BCAS3: variants seen among roughly 807,000 people sequenced by gnomAD.
The protein encoded by BCAS3 is BCAS3 microtubule associated cell migration factor, also known as BCAS4/BCAS3 fusion.
In BCAS3, 53 loss-of-function variants were observed where a neutral mutation model predicts 116.1. That is an observed-to-expected ratio of 0.46 (90% CI 0.37 to 0.57). The LOEUF (loss-of-function observed/expected upper bound fraction) is 0.57, where lower values mean the gene tolerates loss of function less well. BCAS3 is among the 20% of genes least tolerant of loss of function. BCAS3 has a pLI of 0.00. For missense variants in BCAS3, 917 were observed against 1,165.4 expected (o/e 0.79, Z 3.10); for synonymous variants, 391 against 408.2 (o/e 0.96, Z 0.51).
At chr17:60,736,815 C>T (rs1056446447) in intron 5 of BCAS3, among the ~76,000 whole-genome samples, 1 of 152,014 alleles carries the variant, frequency 6.6e-6, no homozygotes, top group Non-Finnish European at 1.5e-5. Context: ...TAGAGTTGTT[C>T]GTAATGTTCC....
intron 15 of BCAS3, among the ~76,000 whole-genome samples, chr17:61,015,142 A>T (rs1425792228): frequency 6.6e-6 from 1 of 152,196 alleles, no homozygotes; most frequent in Non-Finnish European, 1.5e-5. Context: ...GTATGGGGGA[A>T]CTAGCAGATT....
At chr17:60,731,615 AT>A (rs916236139) in intron 5 of BCAS3, among the ~76,000 whole-genome samples, 3 of 151,472 alleles carry the variant, frequency 2.0e-5, no homozygotes, top group East Asian at 1.9e-4. Context: ...TTTATCCTTG[AT>A]TTTTTTTCTT....
chr17:61,247,384 T>G (rs1304645428), intron 22 of BCAS3, among the ~76,000 whole-genome samples: 1 of 152,168 alleles, frequency 6.6e-6, no homozygotes, highest in Non-Finnish European at 1.5e-5. Flanking sequence ...AATATATTGT[T>G]TAAAATACTT....
At chr17:60,974,626 C>A (rs2062180127) in intron 14 of BCAS3, among the ~76,000 whole-genome samples, 1 of 151,776 alleles carries the variant, frequency 6.6e-6, no homozygotes, top group African/African-American at 2.4e-5. Flanking sequence ...TTCTGATTAG[C>A]CAAATTTTAT....
chr17:60,782,960 C>A (rs549990635), intron 6 of BCAS3, among the ~76,000 whole-genome samples: 20 of 151,986 alleles, frequency 1.3e-4, no homozygotes, highest in Non-Finnish European at 2.5e-4. Flanking sequence ...TGCATGCATA[C>A]GTATATTTAC....
intron 6 of BCAS3, among the ~76,000 whole-genome samples, chr17:60,750,844 C>A (rs1353044501): frequency 6.6e-6 from 1 of 152,158 alleles, no homozygotes; most frequent in Admixed American, 6.5e-5. Context: ...TCCTTCTAAC[C>A]CTTCTTGTTC....
At chr17:60,892,500 G>A (rs559157159) in intron 10 of BCAS3, among the ~76,000 whole-genome samples, 1 of 151,596 alleles carries the variant, frequency 6.6e-6, no homozygotes, top group African/African-American at 2.4e-5. Flanking sequence ...GTAGAGATGG[G>A]GTTTCTCCAT....
intron 23 of BCAS3, among the ~76,000 whole-genome samples, chr17:61,369,008 T>G (rs1332689307): frequency 2.0e-5 from 3 of 152,114 alleles, no homozygotes; most frequent in Non-Finnish European, 4.4e-5. Context: ...CTGGGTGGCT[T>G]CCTGCATCCC....
intron 22 of BCAS3, among the ~76,000 whole-genome samples, chr17:61,252,800 G>A (rs2048465876): frequency 6.6e-6 from 1 of 151,890 alleles, no homozygotes; most frequent in African/African-American, 2.4e-5. Context: ...AAACACACTG[G>A]CTTCTACCTC....
At chr17:60,775,869 T>C (rs999168212) in intron 6 of BCAS3, among the ~76,000 whole-genome samples, 2 of 152,182 alleles carry the variant, frequency 1.3e-5, no homozygotes, top group Admixed American at 6.5e-5. Context: ...AGGTGTTTAT[T>C]ATTAAAGTAT....
In BCAS3 at chr17:60,994,770, G is replaced by T. The variant is rs936771556; in HGVS notation, c.1486+4535G>T. Among the ~76,000 whole-genome samples, 12 of 152,066 alleles carry T rather than the reference G, an allele frequency of 7.9e-5. No homozygotes were observed. The highest frequency in any genetic ancestry group is 2.9e-4 in the African/African-American group (12 of 41,370). ...GCCTCTTTGAATGCCTACTAAGCAA[G>T]CTAAAATATTACTGCCTCTCTTAAG... is the stretch of plus-strand genomic sequence containing the variant. On this transcript the variant is annotated intron_variant, in intron 15 of 23. Transcript: ENST00000407086. This position sits in a 1 kb window ranked among gnomAD's most constrained non-coding sequence, Gnocchi z 4.4.
chr17:61,002,289 A>G lies in BCAS3; in HGVS notation c.1486+12054A>G, dbSNP rs139005791. ...TTCTCTGTAAGTTTTGCCTTTAAAT[A>G]AATGCCAGATGATGTAGTTATCCCT... On this transcript the variant is annotated intron_variant, in intron 15 of 23. Transcript: ENST00000407086. Among the ~76,000 whole-genome samples, 1,380 of 152,266 alleles carry G rather than the reference A, an allele frequency of 9.1e-3. 25 individuals are homozygous for G. The highest frequency in any genetic ancestry group is 0.032 in the African/African-American group (1,320 of 41,572).
rs182637757 is a variant in BCAS3, at chr17:61,002,074, G to A, written c.1486+11839G>A. Among the ~76,000 whole-genome samples the A allele has an allele frequency of 1.0e-3, 153 of 152,138 alleles. 7 individuals carry two copies. In the South Asian group the frequency reaches 0.03, roughly 30 times the overall value. On this transcript the variant is annotated intron_variant, in intron 15 of 23. Transcript: ENST00000407086. ...AAATTGAGAGAAAGGTATAGATAACGTAGTTTTGGGGGGAAATAAAATTGC... is the reference window on the plus strand; with the variant it reads ...AAATTGAGAGAAAGGTATAGATAACATAGTTTTGGGGGGAAATAAAATTGC...
rs2050248112 is a variant in BCAS3 at position 60,824,876 on chromosome 17, A to G, written c.476+16800A>G. ...TGCACAAACACATTTGTAAAAATAC[A>G]TGGGTTGGGCTGGGCGCAGTGGCTC... On this transcript the variant is annotated intron_variant, in intron 7 of 23. Coordinates refer to ENST00000407086, the MANE Select transcript of BCAS3 (RefSeq NM_017679.5). 2.0e-5 allele frequency among the ~76,000 whole-genome samples: 3 copies of G among 152,182 alleles called. No homozygotes were observed. In the South Asian group the frequency reaches 6.2e-4, roughly 31 times the overall value.
At chr17:61,297,291 G>T (rs1452462172) in intron 22 of BCAS3, among the ~76,000 whole-genome samples, 1 of 152,210 alleles carries the variant, frequency 6.6e-6, no homozygotes. Context: ...AGAGGCTGGG[G>T]ATGGAGGAGA....
At chr17:61,135,404 G>A (rs1350065359) in intron 22 of BCAS3, among the ~76,000 whole-genome samples, 1 of 152,124 alleles carries the variant, frequency 6.6e-6, no homozygotes, top group Non-Finnish European at 1.5e-5. Context: ...TTATTCCTTT[G>A]AATTAGCATA....
intron 22 of BCAS3, among the ~76,000 whole-genome samples, chr17:61,177,679 C>T (rs1274989259): frequency 2.0e-5 from 3 of 152,156 alleles, no homozygotes; most frequent in African/African-American, 7.2e-5. Context: ...GTAAATGGTG[C>T]ACTTTAGATA....
chr17:61,044,446 C>CAAAAAAAAAA lies in BCAS3; in HGVS notation c.2029+3565_2029+3574dup, dbSNP rs1223902392. On this transcript the variant is annotated intron_variant, in intron 19 of 23. Coordinates refer to ENST00000407086, the MANE Select transcript of BCAS3 (RefSeq NM_017679.5). ...TGGGTGACAGAGCGTGACTCTGTCT[C>CAAAAAAAAAA]AAAAAAAAAAAAAAAAAAAATATAT... Among the ~76,000 whole-genome samples the CAAAAAAAAAA allele has an allele frequency of 8.5e-5, 7 of 82,818 alleles. 1 individual carries two copies. The highest frequency in any genetic ancestry group is 4.5e-4 in the African/African-American group (7 of 15,536). The allele number at this position is 82,818 out of a possible 152,430, so 54.3% of individuals were successfully genotyped here.
At chr17:60,930,685 T>C (rs2059598891) in intron 13 of BCAS3, among the ~76,000 whole-genome samples, 1 of 152,218 alleles carries the variant, frequency 6.6e-6, no homozygotes, top group Admixed American at 6.5e-5. Context: ...CTTGAACTCC[T>C]GACCTCAGGT....
Sources: allele counts gnomAD v4.1 joint callset (sites outside exome capture counted in the v4.1 genomes callset), GRCh38; gene constraint gnomAD v4.1.1; non-coding constraint Gnocchi (gnomAD v3.1); transcripts MANE v1.5; gene names NCBI Gene and HGNC (gene_info 2026-07-23, HGNC 2026-07-21).